The following SPO11 variants were observed in gnomAD, a reference collection of about 807,000 sequenced individuals.
The protein encoded by SPO11 is SPO11 initiator of meiotic double strand breaks.
In SPO11, 49 loss-of-function variants were observed where a neutral mutation model predicts 51.6. The ratio of observed to expected loss-of-function variants is 0.95; its 90% CI spans 0.75 to 1.20. The LOEUF (loss-of-function observed/expected upper bound fraction) is 1.20, where lower values mean the gene tolerates loss of function less well. Among genes scored for constraint, SPO11 ranks in the 50% most tolerant of loss-of-function variants. The probability of loss-of-function intolerance (pLI) is 0.00; values close to 1 mark genes in which losing one functional copy is unlikely to be tolerated. For missense variants in SPO11, 431 were observed against 473.4 expected (o/e 0.91, Z 0.83); for synonymous variants, 176 against 158.2 (o/e 1.11, Z -0.84).
chr20:57,334,332 T>C (rs1271397245), intron 5 of SPO11, among the ~76,000 whole-genome samples: 1 of 152,060 alleles, frequency 6.6e-6, no homozygotes, highest in Admixed American at 6.5e-5. Context: ...TTTTTTGTAT[T>C]GTTAGTAGGG....
rs2066455372 is a variant in SPO11, at chr20:57,331,952, C to A, written c.245+6C>A. 2 of 1,507,108 alleles carry A rather than the reference C, an allele frequency of 1.3e-6. No homozygotes were observed. The allele number at this position is 1,507,108 out of a possible 1,614,324, so 93.4% of individuals were successfully genotyped here. ...TCAAGCTGGGAAAACATAAAGTGGGCATTTTGCATTTTTATTTTTTAAATG... is the reference window on the plus strand; with the variant it reads ...TCAAGCTGGGAAAACATAAAGTGGGAATTTTGCATTTTTATTTTTTAAATG... On this transcript the variant is annotated splice_donor_region_variant and intron_variant, in intron 2 of 12. Coordinates refer to ENST00000371263, the MANE Select transcript of SPO11 (RefSeq NM_012444.3).
At chr20:57,337,792 T>C (rs1478475984) in intron 8 of SPO11, 1 of 1,303,106 alleles carries the variant, frequency 7.7e-7, no homozygotes, top group Non-Finnish European at 1.0e-6. Context: ...GTAACCCTTT[T>C]TTTTGGTGCT....
chr20:57,338,347 T>A lies in SPO11; in HGVS notation c.816T>A (p.Val272=). The change falls in exon 9 of 13, where the codon GTT becomes GTA. Residue 272 remains valine, a synonymous_variant. Coordinates refer to ENST00000371263, the MANE Select transcript of SPO11 (RefSeq NM_012444.3). ...TGTGGGATACATTTCATGTTCCTGTTTTCACTCTTGTAGATGCTGATCCAC... is the reference window on the plus strand; with the variant it reads ...TGTGGGATACATTTCATGTTCCTGTATTCACTCTTGTAGATGCTGATCCAC... ...KKLWDTFHVP[V]FTLVDADPHG... is the part of the protein sequence containing the mutation. 1 of 1,613,692 alleles carries A rather than the reference T, an allele frequency of 6.2e-7. No homozygotes were observed. Among genetic ancestry groups the A allele is most frequent in the Non-Finnish European group, 8.5e-7 (1 of 1,179,632 alleles).
Position 57,331,941 on chromosome 20 carries a change from C to T in SPO11, c.240C>T (p.Asn80=), listed in dbSNP as rs867162347. 26 of 1,566,916 alleles carry T rather than the reference C, an allele frequency of 1.7e-5. No individual in the cohort carries two copies. The Middle Eastern group carries it at 3.2e-3, about 194-fold the overall frequency. Residue 80 remains asparagine (N), a synonymous_variant, in exon 2 of 13, where the codon AAC becomes AAT. Transcript: ENST00000371263. ...FTIDNRSSWE[N]IKFEDSVGLQ... is the part of the protein sequence containing the mutation. ...TAGACAACAGATCAAGCTGGGAAAACATAAAGTGGGCATTTTGCATTTTTA... is the reference window on the plus strand; with the variant it reads ...TAGACAACAGATCAAGCTGGGAAAATATAAAGTGGGCATTTTGCATTTTTA...
chr20:57,333,310 G>A (rs6128002), intron 3 of SPO11, 34 bp downstream of exon 3: 1 of 1,484,606 alleles, frequency 6.7e-7, no homozygotes, highest in Non-Finnish European at 9.2e-7. Context: ...TGGTAATAAA[G>A]GATAAATAAA....
At chr20:57,338,181 G>C (rs1198941597) in intron 8 of SPO11, 95 bp from the exon 9 acceptor site, 1 of 934,226 alleles carries the variant, frequency 1.1e-6, no homozygotes, top group Non-Finnish European at 1.6e-6. Flanking sequence ...GTGAACCACT[G>C]CGTCCAGCCT....
In SPO11 at chr20:57,334,712, G is replaced by A. The variant is rs770891797; in HGVS notation, c.511-38G>A. The A allele has an allele frequency of 7.8e-6, 12 of 1,533,960 alleles. 1 individual carries two copies. The highest frequency in any genetic ancestry group is 1.1e-5 in the South Asian group (1 of 88,056). On this transcript the variant is annotated intron_variant, in intron 5 of 12. Transcript: ENST00000371263. ...TGACTTAATAGCATAAAACATATTC[G>A]TGAAGCAGGTTTCAAATATGTCTAT...
intron 8 of SPO11, 77 bp downstream of exon 8, chr20:57,335,984 T>A: frequency 1.3e-6 from 1 of 796,062 alleles, no homozygotes; most frequent in Non-Finnish European, 2.1e-6. Flanking sequence ...TTTACAATAT[T>A]ATCTACACAA....
At chr20:57,336,370 C>T (rs750984590) in intron 8 of SPO11, among the ~76,000 whole-genome samples, 2 of 152,138 alleles carry the variant, frequency 1.3e-5, no homozygotes, top group Non-Finnish European at 2.9e-5. Flanking sequence ...TTCATTTCAG[C>T]CCTTTCTCCT....
intron 9 of SPO11, 75 bp downstream of exon 9, chr20:57,338,450 T>C: frequency 8.4e-7 from 1 of 1,196,892 alleles, no homozygotes; most frequent in Non-Finnish European, 1.2e-6. Flanking sequence ...CTTCCTCTTT[T>C]TTTTTTTTTC....
intron 5 of SPO11, 87 bp downstream of exon 5, chr20:57,334,182 T>C: frequency 2.1e-6 from 1 of 485,008 alleles, no homozygotes. Flanking sequence ...TGAGACGGAG[T>C]CTTGCTCTGT....
rs2066476185 is a variant in SPO11 at position 57,333,715 on chromosome 20, T to A, written c.363T>A (p.Ile121=). 2 of 1,513,688 alleles carry A rather than the reference T, an allele frequency of 1.3e-6. No homozygotes were observed. Among genetic ancestry groups the A allele is most frequent in the Non-Finnish European group, 1.8e-6 (2 of 1,095,308 alleles). 93.8% of individuals were successfully genotyped at this position (1,513,688 alleles called of 1,614,324 possible). A position where few individuals can be genotyped will look rare whatever the true frequency, so the allele number is the denominator to read the frequency against. The stretch of plus-strand genomic sequence containing the variant: ...TAATCCTTAAAATATTGTCCATGAT[T>A]TATAAATTAGTACAGAGCAACACTT... ...FSLILKILSM[I]YKLVQSNTYA... Residue 121 remains isoleucine, a synonymous_variant, in exon 4 of 13, where the codon ATT becomes ATA. Coordinates refer to ENST00000371263, the MANE Select transcript of SPO11 (RefSeq NM_012444.3).
intron 2 of SPO11, among the ~76,000 whole-genome samples, chr20:57,332,238 A>T (rs2066458879): frequency 6.6e-6 from 1 of 152,234 alleles, no homozygotes; most frequent in Non-Finnish European, 1.5e-5. Flanking sequence ...AAGAATAGGC[A>T]CCATACTTGG....
chr20:57,334,936 T>G (rs2066494176), intron 6 of SPO11, 100 bp downstream of exon 6: 1 of 965,934 alleles, frequency 1.0e-6, no homozygotes, highest in South Asian at 1.7e-5. Flanking sequence ...ACCTAGAGCT[T>G]AAGATTTCAA....
chr20:57,332,668 A>T (rs2066464213), intron 2 of SPO11, among the ~76,000 whole-genome samples: 1 of 152,194 alleles, frequency 6.6e-6, no homozygotes, highest in South Asian at 2.1e-4. Flanking sequence ...CTTACACCTG[A>T]CATATCCACC....
At chr20:57,339,095 CATTT>C in intron 10 of SPO11, 69 bp downstream of exon 10, 1 of 1,089,090 alleles carries the variant, frequency 9.2e-7, no homozygotes, top group Non-Finnish European at 1.3e-6. Context: ...GTGATTTCTG[CATTT>C]ATTAATCACC....
chr20:57,334,026 G>T lies in SPO11; in HGVS notation c.441G>T (p.Gln147His). 1.9e-6 allele frequency: 3 copies of T among 1,588,956 alleles called. No individual in the cohort carries two copies. The highest frequency in any genetic ancestry group is 2.3e-5 in the South Asian group (2 of 85,842). The change falls in exon 5 of 13, where the codon CAG (glutamine) becomes CAT (histidine). Residue 147 changes from glutamine (Q) to histidine (H), a missense_variant. Physicochemically the swap from Gln to His is conservative, Grantham distance 24 (BLOSUM62 0). Transcript: ENST00000371263. ...YYTDSQLFGN[Q>H]TVVDNIINDI... ...CTGACAGTCAACTCTTTGGTAACCA[G>T]ACTGTCGTCGACAATATTATCAATG...
intron 6 of SPO11, among the ~76,000 whole-genome samples, 167 bp downstream of exon 6, chr20:57,335,003 T>G (rs896176169): frequency 2.2e-4 from 33 of 152,250 alleles, no homozygotes; most frequent in African/African-American, 7.2e-4. Context: ...TTACATAGTT[T>G]CAAATTATGC....
rs371859511 is a variant in SPO11 at position 57,331,830 on chromosome 20, C to T, written c.132-3C>T. On this transcript the variant is annotated splice_region_variant and splice_polypyrimidine_tract_variant and intron_variant, in intron 1 of 12. Transcript: ENST00000371263. ...TGGAATCATGCTCTGTTTATTGTTT[C>T]AGTTCTGAGGTTCTTGCATCTATAG... The T allele has an allele frequency of 1.3e-6, 2 of 1,514,942 alleles. No individual in the cohort carries two copies. Among genetic ancestry groups the T allele is most frequent in the African/African-American group, 2.8e-5 (2 of 71,350 alleles). 93.8% of individuals were successfully genotyped at this position (1,514,942 alleles called of 1,614,324 possible).
Sources: gnomAD v4.1 joint callset for allele counts (sites outside exome capture counted in the v4.1 genomes callset) on GRCh38, gnomAD v4.1.1 for gene constraint, MANE v1.5 for transcripts, NCBI Gene and HGNC (gene_info 2026-07-23, HGNC 2026-07-21) for gene names.